CCL28: variants seen among roughly 807,000 people sequenced by gnomAD.
CCL28 encodes the protein C-C motif chemokine ligand 28.
A neutral mutation model predicts 7.1 loss-of-function variants in CCL28; 4 were observed. The observed-to-expected ratio is 0.56, with a 90% CI of 0.28 to 1.29. CCL28 has a LOEUF of 1.29. Among genes scored for constraint, CCL28 ranks in the 50% most tolerant of loss-of-function variants. The pLI is 0.11. For missense variants in CCL28, 151 were observed against 163.4 expected (o/e 0.92, Z 0.41); for synonymous variants, 55 against 57.8 (o/e 0.95, Z 0.22).
chr5:43,391,431 T>C (rs1740567501), intron 1 of CCL28, among the ~76,000 whole-genome samples: 1 of 152,212 alleles, frequency 6.6e-6, no homozygotes, highest in South Asian at 2.1e-4. Context: ...TATGGAAACT[T>C]TAAAAATCAA....
intron 2 of CCL28, among the ~76,000 whole-genome samples, chr5:43,385,937 A>C (rs1159256117): frequency 2.0e-5 from 3 of 152,186 alleles, no homozygotes; most frequent in Admixed American, 2.0e-4. Context: ...CATCCCTGAA[A>C]ATCCTGTTAC....
intron 1 of CCL28, chr5:43,397,236 G>C (rs1044785499): frequency 5.9e-5 from 9 of 152,220 alleles, no homozygotes; most frequent in African/African-American, 2.2e-4. Flanking sequence ...CGGCTGGGGC[G>C]CCCAGGACCA....
chr5:43,394,010 C>G (rs1049428081), intron 1 of CCL28, among the ~76,000 whole-genome samples: 1 of 152,282 alleles, frequency 6.6e-6, no homozygotes, highest in Non-Finnish European at 1.5e-5. Context: ...TTAATGCTTA[C>G]TCAGTAATAC....
intron 2 of CCL28, among the ~76,000 whole-genome samples, chr5:43,385,310 C>T (rs1740296517): frequency 6.6e-6 from 1 of 152,192 alleles, no homozygotes. Context: ...TCAAAAACTA[C>T]AATGACCATT....
intron 1 of CCL28, among the ~76,000 whole-genome samples, chr5:43,394,853 T>C (rs1740733067): frequency 6.6e-6 from 1 of 152,072 alleles, no homozygotes; most frequent in East Asian, 1.9e-4. Flanking sequence ...TGGATTAATC[T>C]ATTTTCTTCC....
At chr5:43,378,102 G>GCCCGGCCAGAACTTAAACTTTTTAAA (rs1554024803), downstream of CCL28, among the ~76,000 whole-genome samples, 1 of 152,244 alleles carries the variant, frequency 6.6e-6, no homozygotes, top group African/African-American at 2.4e-5. Flanking sequence ...TAGCACTTTG[G>GCCCGGCCAGAACTTAAACTTTTTAAA]GAGGGTGAGA....
chr5:43,412,234 G>A lies in CCL28; in HGVS notation c.64+19C>T, dbSNP rs1250687610. On this transcript the variant is annotated intron_variant, in intron 1 of 2. Coordinates refer to ENST00000361115, the MANE Select transcript of CCL28 (RefSeq NM_148672.3). ...CCCCCTTTCCAGTGAAGGCCTAAGTGTCCAGTGCCCCCACTCACCTTCTGA... is the reference window on the plus strand; with the variant it reads ...CCCCCTTTCCAGTGAAGGCCTAAGTATCCAGTGCCCCCACTCACCTTCTGA... The A allele has an allele frequency of 3.7e-6, 6 of 1,603,682 alleles. No homozygotes were observed. In the South Asian group the frequency reaches 5.6e-5, roughly 15 times the overall value.
At chr5:43,359,118 T>C in the CCL28 span, among the ~76,000 whole-genome samples, 1 of 152,192 alleles carries the variant, frequency 6.6e-6, no homozygotes, top group Non-Finnish European at 1.5e-5. Flanking sequence ...AATGTAGGTA[T>C]AGCTAAATGA....
chr5:43,404,820 A>T (rs1278399874), intron 1 of CCL28, among the ~76,000 whole-genome samples: 1 of 152,234 alleles, frequency 6.6e-6, no homozygotes, highest in African/African-American at 2.4e-5. Flanking sequence ...AGGAAGATCT[A>T]CCAAGCAAAT....
chr5:43,382,022 GAC>G lies in CCL28; in HGVS notation c.220_221del (p.Val74GlnfsTer8). The G allele has an allele frequency of 6.2e-7, 1 of 1,613,382 alleles. No individual in the cohort carries two copies. Among genetic ancestry groups the G allele is most frequent in the Non-Finnish European group, 8.5e-7 (1 of 1,179,702 alleles). ...ILHVKRRRIC[V>X]SPHNHTVKQW... ...GCTTAACAGTATGGTTGTGCGGGCTGACACAGATTCTTCTGCGCTTGACATGA... is the reference window on the plus strand; with the variant it reads ...GCTTAACAGTATGGTTGTGCGGGCTGACAGATTCTTCTGCGCTTGACATGA... On this transcript the variant is annotated frameshift_variant, in exon 3 of 3. Transcript: ENST00000361115. LOFTEE classifies it low-confidence loss of function (END_TRUNC).
chr5:43,377,328 C>T (rs1020244787), downstream of CCL28: 2 of 151,566 alleles, frequency 1.3e-5, no homozygotes, highest in South Asian at 2.1e-4. Flanking sequence ...CCGTCTGTAA[C>T]AAAAAATACT....
At chr5:43,409,349 C>G (rs935939091) in intron 1 of CCL28, among the ~76,000 whole-genome samples, 5 of 152,082 alleles carry the variant, frequency 3.3e-5, no homozygotes, top group African/African-American at 1.2e-4. Flanking sequence ...TTGCTTGAAC[C>G]CAGGAGGCGG....
chr5:43,370,737 T>C, the CCL28 span, among the ~76,000 whole-genome samples: 2 of 94,426 alleles, frequency 2.1e-5, no homozygotes, highest in Non-Finnish European at 4.3e-5. Context: ...TATCTCTCTT[T>C]CTCTCTCTTT....
At chr5:43,409,095 TAGTG>T (rs1446269053) in intron 1 of CCL28, among the ~76,000 whole-genome samples, 1 of 151,994 alleles carries the variant, frequency 6.6e-6, no homozygotes, top group Non-Finnish European at 1.5e-5. Context: ...CTGGGCAACA[TAGTG>T]AGACTCTATC....
intron 1 of CCL28, among the ~76,000 whole-genome samples, chr5:43,406,479 G>T (rs1334377465): frequency 6.6e-6 from 1 of 152,094 alleles, no homozygotes; most frequent in Non-Finnish European, 1.5e-5. Context: ...AATAAATTAG[G>T]TATTGATGGG....
chr5:43,388,417 G>A lies in CCL28; in HGVS notation c.124C>T (p.Leu42Phe). ...TEVSHHISRR[L>F]LERVNMCRIQ... ...CGACACATATTCACTCTTTCCAGGA[G>A]CCTTCTGGAAATATGATGTGAAACC... The change falls in exon 2 of 3, where the codon CTC (leucine) becomes TTC (phenylalanine). Residue 42 changes from leucine (L) to phenylalanine (F), a missense_variant. Transcript: ENST00000361115. The A allele has an allele frequency of 6.2e-7, 1 of 1,614,150 alleles. No individual in the cohort carries two copies. Among genetic ancestry groups the A allele is most frequent in the South Asian group, 1.1e-5 (1 of 91,066 alleles).
chr5:43,368,160 T>G, the CCL28 span, among the ~76,000 whole-genome samples: 7 of 152,276 alleles, frequency 4.6e-5, no homozygotes, highest in Admixed American at 4.6e-4. Flanking sequence ...GGAGGAAAAA[T>G]GACTCTCAGG....
chr5:43,396,162 GT>G (rs370045787), intron 1 of CCL28, among the ~76,000 whole-genome samples: 583 of 152,190 alleles, frequency 3.8e-3, no homozygotes, highest in African/African-American at 0.014. Context: ...GAACCACTGC[GT>G]CCAGCCCATG....
chr5:43,411,401 T>C (rs1741531573), intron 1 of CCL28, among the ~76,000 whole-genome samples: 1 of 152,184 alleles, frequency 6.6e-6, no homozygotes, highest in African/African-American at 2.4e-5. Context: ...GCAGTTACAA[T>C]CTCCAAATAC....
Sources: gnomAD v4.1 joint callset for allele counts (sites outside exome capture counted in the v4.1 genomes callset) on GRCh38, gnomAD v4.1.1 for gene constraint, MANE v1.5 for transcripts, NCBI Gene and HGNC (gene_info 2026-07-23, HGNC 2026-07-21) for gene names.